MYO10: variants seen among roughly 807,000 people sequenced by gnomAD.
The protein encoded by MYO10 is unconventional myosin-X.
In MYO10, 133 loss-of-function variants were observed where a neutral mutation model predicts 257.3. The ratio of observed to expected loss-of-function variants is 0.52; its 90% CI spans 0.45 to 0.60. The LOEUF is 0.60. Among genes scored for constraint, MYO10 ranks in the 20% least tolerant of loss-of-function variants. The pLI is 0.00. For synonymous variants in MYO10, 1,104 were observed against 1,028.6 expected, an observed-to-expected ratio of 1.07 and a Z score of -1.40; for missense variants, 2,399 against 2,635.7, an observed-to-expected ratio of 0.91 and a Z score of 1.97.
At chr5:16,917,740 G>A (rs1403484533) in intron 1 of MYO10, among the ~76,000 whole-genome samples, 1 of 151,904 alleles carries the variant, frequency 6.6e-6, no homozygotes, top group Non-Finnish European at 1.5e-5. Flanking sequence ...TGGGCATGGT[G>A]GCACACATCT....
intron 32 of MYO10, among the ~76,000 whole-genome samples, 197 bp downstream of exon 32, chr5:16,681,112 A>G (rs568950558): frequency 6.6e-6 from 1 of 152,342 alleles, no homozygotes; most frequent in African/African-American, 2.4e-5. Flanking sequence ...CTACCACTCC[A>G]TGAATCGACC....
intron 28 of MYO10, among the ~76,000 whole-genome samples, chr5:16,687,186 T>A (rs1195636338): frequency 6.6e-6 from 1 of 151,670 alleles, no homozygotes; most frequent in African/African-American, 2.4e-5. Flanking sequence ...CTGGGTGTAG[T>A]GGTACATGCT....
intron 5 of MYO10, among the ~76,000 whole-genome samples, chr5:16,782,345 G>A (rs1294077035): frequency 6.6e-6 from 1 of 152,148 alleles, no homozygotes; most frequent in Non-Finnish European, 1.5e-5. Context: ...CGGGATCTCG[G>A]TTGCAACTAC....
chr5:16,814,080 C>G (rs1229497263), intron 3 of MYO10, among the ~76,000 whole-genome samples: 1 of 152,206 alleles, frequency 6.6e-6, no homozygotes, highest in African/African-American at 2.4e-5. Flanking sequence ...CGCAGCCCTG[C>G]TGACCCTTTG....
chr5:16,884,377 T>G (rs1744838588), intron 1 of MYO10, among the ~76,000 whole-genome samples: 1 of 152,098 alleles, frequency 6.6e-6, no homozygotes, highest in Admixed American at 6.5e-5. Flanking sequence ...CCTGGGAGAC[T>G]CTGTCTCCAA....
chr5:16,893,148 G>T (rs111821231), intron 1 of MYO10, among the ~76,000 whole-genome samples: 31,600 of 134,538 alleles, frequency 0.23, 4,255 homozygotes, highest in African/African-American at 0.39. Flanking sequence ...AGTGAGCCGA[G>T]ATTGCGCCAC....
In MYO10 at chr5:16,877,762, A is replaced by C. The variant is rs1442707066; in HGVS notation, c.22-55T>G. ...AGTTTGGATTGCATTTTGTGGCGAA[A>C]CTGTACTGTCGAAATTACCCTAACT... On this transcript the variant is annotated intron_variant, in intron 1 of 40. Transcript: ENST00000513610. The C allele has an allele frequency of 3.6e-6, 5 of 1,408,188 alleles. No individual in the cohort carries two copies. The Admixed American group carries it at 5.4e-5, about 15-fold the overall frequency. 87.2% of individuals were successfully genotyped at this position (1,408,188 alleles called of 1,614,324 possible).
intron 2 of MYO10, among the ~76,000 whole-genome samples, chr5:16,843,648 G>A (rs1743548585): frequency 6.6e-6 from 1 of 152,130 alleles, no homozygotes; most frequent in South Asian, 2.1e-4. Context: ...AAGCACTCTT[G>A]ACTGCCCATT....
chr5:16,671,220 C>G (rs1561166917), intron 38 of MYO10, among the ~76,000 whole-genome samples: 1 of 152,200 alleles, frequency 6.6e-6, no homozygotes, highest in Non-Finnish European at 1.5e-5. Context: ...TCAACTAGAA[C>G]AGTCCCTGGA....
chr5:16,684,093 G>GT (rs953386462), intron 29 of MYO10, among the ~76,000 whole-genome samples, 158 bp from the exon 30 acceptor site: 82 of 152,250 alleles, frequency 5.4e-4, no homozygotes, highest in African/African-American at 1.9e-3. Flanking sequence ...CCTCTGTTGT[G>GT]TGAGTACAAA....
Position 16,918,000 on chromosome 5 carries a change from C to T in MYO10, c.21+17788G>A, listed in dbSNP as rs151252341. Among the ~76,000 whole-genome samples, 296 of 152,308 alleles carry T rather than the reference C, an allele frequency of 1.9e-3. 4 individuals carry two copies. Among genetic ancestry groups the T allele is most frequent in the African/African-American group, 6.8e-3 (284 of 41,570 alleles). On this transcript the variant is annotated intron_variant, in intron 1 of 40. Transcript: ENST00000513610. The stretch of plus-strand genomic sequence containing the variant: ...CACTTTCTTTTTAAACTACAGAATA[C>T]GTATTCCATAGGAATAAAAAATATT...
At chr5:16,897,488 T>C (rs253483) in intron 1 of MYO10, among the ~76,000 whole-genome samples, 83,818 of 151,864 alleles carry the variant, frequency 0.55, 24,088 homozygotes, top group African/African-American at 0.72. Context: ...TGTGTTGAAG[T>C]GCATACCTTG....
At chr5:16,850,024 C>A (rs1007322580) in intron 2 of MYO10, among the ~76,000 whole-genome samples, 2 of 152,190 alleles carry the variant, frequency 1.3e-5, no homozygotes, top group Non-Finnish European at 2.9e-5. Flanking sequence ...ATCTATTCAG[C>A]AAGTCTGATC....
intron 3 of MYO10, among the ~76,000 whole-genome samples, chr5:16,808,617 T>C (rs2126695078): frequency 6.6e-6 from 1 of 152,304 alleles, no homozygotes; most frequent in East Asian, 1.9e-4. Flanking sequence ...GCATTTCCAT[T>C]TCACCTGAGT....
intron 19 of MYO10, among the ~76,000 whole-genome samples, chr5:16,716,929 G>C (rs1300458096): frequency 6.6e-6 from 1 of 152,068 alleles, no homozygotes; most frequent in African/African-American, 2.4e-5. Flanking sequence ...TGCCTCCCAG[G>C]CTCAAGCAAT....
At position 16,694,589 on chromosome 5, in the gene MYO10, G is replaced by A. The variant is rs1351182310; in HGVS notation, c.3582C>T (p.Arg1194=). ...MKGGLMNSWK[R]RWCVLKDETF... is the part of the protein sequence containing the mutation. Reference sequence around the variant, plus strand: ...TTTCATCCTTGAGGACGCACCAGCGGCGTTTCCAAGAGTTCATCAGGCCAC... The same window carrying A: ...TTTCATCCTTGAGGACGCACCAGCGACGTTTCCAAGAGTTCATCAGGCCAC... Residue 1194 remains arginine (R), a synonymous_variant, in exon 27 of 41, where the codon CGC becomes CGT. Transcript: ENST00000513610. The A allele has an allele frequency of 6.2e-7, 1 of 1,613,784 alleles. No individual in the cohort carries two copies. The highest frequency in any genetic ancestry group is 8.5e-7 in the Non-Finnish European group (1 of 1,179,898).
chr5:16,710,887 T>A lies in MYO10; in HGVS notation c.2169+21A>T, dbSNP rs1406231278. 3 of 1,600,160 alleles carry A rather than the reference T, an allele frequency of 1.9e-6. No homozygotes were observed. The African/African-American group carries it at 4.0e-5, about 21-fold the overall frequency. ...GATCTGTCAGGGATTCGGTGGGAGTTGCTCTTTCTCCGCATCGTACCTTGG... is the reference window on the plus strand; with the variant it reads ...GATCTGTCAGGGATTCGGTGGGAGTAGCTCTTTCTCCGCATCGTACCTTGG... On this transcript the variant is annotated intron_variant, in intron 21 of 40. Coordinates refer to ENST00000513610, the MANE Select transcript of MYO10 (RefSeq NM_012334.3).
intron 1 of MYO10, among the ~76,000 whole-genome samples, chr5:16,903,482 C>G (rs1046379401): frequency 2.6e-5 from 4 of 152,148 alleles, no homozygotes; most frequent in Non-Finnish European, 4.4e-5. Flanking sequence ...AAGAACTTGC[C>G]CACGGTCCCA....
rs1740849459 is a variant in MYO10 at position 16,765,964 on chromosome 5, T to C, written c.1179+116A>G. The C allele has an allele frequency of 1.5e-5, 11 of 732,894 alleles. No individual in the cohort carries two copies. The South Asian group carries it at 1.8e-4, about 12-fold the overall frequency. The allele number at this position is 732,894 out of a possible 1,614,324, so 45.4% of individuals were successfully genotyped here. On this transcript the variant is annotated intron_variant, in intron 11 of 40. Coordinates refer to ENST00000513610, the MANE Select transcript of MYO10 (RefSeq NM_012334.3). ...TATCATGAACCAGTCATTTGAACAG[T>C]TATTAATATATTACAGTTACAACTG...
Sources: gnomAD v4.1 joint callset for allele counts (sites outside exome capture counted in the v4.1 genomes callset) on GRCh38, gnomAD v4.1.1 for gene constraint, MANE v1.5 for transcripts, NCBI Gene and HGNC (gene_info 2026-07-23, HGNC 2026-07-21) for gene names.